Variants in PTPRT observed in about 807,000 individuals in gnomAD.
The protein encoded by PTPRT is receptor-type tyrosine-protein phosphatase T.
A neutral mutation model predicts 176.8 loss-of-function variants in PTPRT; 56 were observed. The ratio of observed to expected loss-of-function variants is 0.32; its 90% confidence interval spans 0.26 to 0.40. The LOEUF (loss-of-function observed/expected upper bound fraction) is 0.40, where lower values mean the gene tolerates loss of function less well. Among genes scored for constraint, PTPRT ranks in the 10% least tolerant of loss-of-function variants. The pLI is 1.00. For synonymous variants in PTPRT, 783 were observed against 739.0 expected (o/e 1.06, Z -0.96); for missense variants, 1,540 against 1,908.2 (o/e 0.81, Z 3.60).
intron 11 of PTPRT, among the ~76,000 whole-genome samples, chr20:42,319,538 C>A (rs1435420930): frequency 1.3e-5 from 2 of 152,154 alleles, no homozygotes; most frequent in East Asian, 1.9e-4. Flanking sequence ...CAAAAGCAAA[C>A]CTGCAATGCA....
At chr20:42,441,860 C>T (rs961638417) in intron 9 of PTPRT, among the ~76,000 whole-genome samples, 15 of 152,216 alleles carry the variant, frequency 9.9e-5, no homozygotes, top group African/African-American at 3.6e-4. Flanking sequence ...CAATAGCGGC[C>T]TGCATTATGC....
At chr20:42,438,870 GA>G (rs1305850512) in intron 9 of PTPRT, among the ~76,000 whole-genome samples, 2 of 152,132 alleles carry the variant, frequency 1.3e-5, no homozygotes, top group African/African-American at 4.8e-5. Context: ...TGTCGTAATA[GA>G]AAAGAAGAAA....
intron 6 of PTPRT, among the ~76,000 whole-genome samples, chr20:42,692,745 G>A (rs895878376): frequency 2.0e-5 from 3 of 152,088 alleles, no homozygotes; most frequent in Non-Finnish European, 1.5e-5. Context: ...TGTGTGTGTA[G>A]AAAATTCTTT....
In PTPRT at chr20:42,255,206, C is replaced by T. The variant is rs117455970; in HGVS notation, c.2177-6384G>A. Among the ~76,000 whole-genome samples, 660 of 152,288 alleles carry T rather than the reference C, an allele frequency of 4.3e-3. 6 individuals carry two copies. The highest frequency in any genetic ancestry group is 4.5e-3 in the Non-Finnish European group (305 of 68,030). ...TTCACATTGGAAATATGCAAGCTTG[C>T]GTCTAGATGCCATCACTAATGGGTT... On this transcript the variant is annotated intron_variant, in intron 13 of 30. Coordinates refer to ENST00000373187, the MANE Select transcript of PTPRT (RefSeq NM_007050.6).
chr20:42,081,139 G>A (rs1287780567), intron 30 of PTPRT, among the ~76,000 whole-genome samples: 1 of 152,074 alleles, frequency 6.6e-6, no homozygotes, highest in African/African-American at 2.4e-5. Context: ...TTCCTCGAAT[G>A]CCCAGCTGGC....
rs999547108 is a variant in PTPRT, at chr20:43,159,862, T to G, written c.88+29784A>C. 6.6e-5 allele frequency among the ~76,000 whole-genome samples: 10 copies of G among 151,972 alleles called. No homozygotes were observed. The East Asian group carries it at 1.7e-3, about 27-fold the overall frequency. ...CCCGACCATGTCAAGGCCCCCTATC[T>G]CCAAACAAATTGGTCAAGATGGAGT... On this transcript the variant is annotated intron_variant, in intron 1 of 30. Transcript: ENST00000373187.
intron 6 of PTPRT, among the ~76,000 whole-genome samples, chr20:42,744,403 A>G (rs2076660131): frequency 6.6e-6 from 1 of 152,224 alleles, no homozygotes; most frequent in Non-Finnish European, 1.5e-5. Flanking sequence ...AATACGTGAC[A>G]AGAAAAAGAT....
At chr20:42,693,641 T>G (rs2075824883) in intron 6 of PTPRT, among the ~76,000 whole-genome samples, 1 of 152,152 alleles carries the variant, frequency 6.6e-6, no homozygotes, top group South Asian at 2.1e-4. Flanking sequence ...ACAATTAGGA[T>G]TATTTAGGCA....
chr20:42,925,534 T>C (rs1489938196), intron 1 of PTPRT, among the ~76,000 whole-genome samples: 3 of 152,212 alleles, frequency 2.0e-5, no homozygotes, highest in African/African-American at 7.2e-5. Context: ...ATTTTCTCCA[T>C]GGAATTCAAT....
intron 22 of PTPRT, among the ~76,000 whole-genome samples, chr20:42,114,826 T>C (rs1436194947): frequency 6.6e-6 from 1 of 152,192 alleles, no homozygotes; most frequent in Non-Finnish European, 1.5e-5. Context: ...CTGGGATAGC[T>C]CTTCTTTCCT....
intron 1 of PTPRT, among the ~76,000 whole-genome samples, chr20:43,041,129 A>G (rs947931527): frequency 2.6e-5 from 4 of 152,186 alleles, no homozygotes; most frequent in Non-Finnish European, 5.9e-5. Context: ...ACCGTCTCCA[A>G]TCACTTACCA....
intron 7 of PTPRT, among the ~76,000 whole-genome samples, chr20:42,632,905 C>T (rs2074443641): frequency 6.6e-6 from 1 of 151,990 alleles, no homozygotes; most frequent in African/African-American, 2.4e-5. Flanking sequence ...CCAGGTGGCA[C>T]ATCACAGTAT....
At chr20:42,238,012 A>G (rs2056278905) in intron 14 of PTPRT, among the ~76,000 whole-genome samples, 1 of 152,210 alleles carries the variant, frequency 6.6e-6, no homozygotes, top group Admixed American at 6.5e-5. Flanking sequence ...CAAGTAGGAA[A>G]TATCCAAAAC....
chr20:43,035,373 G>C (rs1986334506), intron 1 of PTPRT, among the ~76,000 whole-genome samples: 1 of 152,192 alleles, frequency 6.6e-6, no homozygotes, highest in Non-Finnish European at 1.5e-5. Flanking sequence ...AAGGACCAGA[G>C]AGTAAATATT....
At chr20:42,422,513 G>A (rs1196375344) in intron 9 of PTPRT, among the ~76,000 whole-genome samples, 1 of 152,166 alleles carries the variant, frequency 6.6e-6, no homozygotes, top group Non-Finnish European at 1.5e-5. Context: ...TCTGACACCA[G>A]TCAGAATGGT....
intron 1 of PTPRT, among the ~76,000 whole-genome samples, chr20:42,970,189 G>A (rs1399445254): frequency 2.0e-5 from 3 of 152,146 alleles, no homozygotes; most frequent in South Asian, 4.1e-4. Flanking sequence ...CTTCTTAGTC[G>A]AGGTACAAGG....
At chr20:42,183,909 G>A (rs1288949694) in intron 16 of PTPRT, among the ~76,000 whole-genome samples, 3 of 152,164 alleles carry the variant, frequency 2.0e-5, no homozygotes, top group Non-Finnish European at 1.5e-5. Context: ...CATGCAAGAA[G>A]TACAATTACC....
chr20:42,377,447 C>T (rs1230282480), intron 9 of PTPRT, among the ~76,000 whole-genome samples: 1 of 152,208 alleles, frequency 6.6e-6, no homozygotes, highest in Non-Finnish European at 1.5e-5. Context: ...CAGTGTTTTG[C>T]AAGCTTTAAC....
intron 7 of PTPRT, among the ~76,000 whole-genome samples, chr20:42,627,982 A>T (rs963876394): frequency 6.6e-6 from 1 of 152,136 alleles, no homozygotes; most frequent in Admixed American, 6.5e-5. Context: ...TCCATCCGTA[A>T]TGCCTGCTGG....
Sources: allele counts gnomAD v4.1 joint callset (sites outside exome capture counted in the v4.1 genomes callset), GRCh38; gene constraint gnomAD v4.1.1; transcripts MANE v1.5; gene names NCBI Gene and HGNC (gene_info 2026-07-23, HGNC 2026-07-21).